The following C6 variants were observed in gnomAD, a reference collection of about 807,000 sequenced individuals.
C6 encodes complement C6, also known as complement component C6.
A neutral mutation model predicts 112.9 loss-of-function variants in C6; 101 were observed. The observed-to-expected ratio is 0.89, with a 90% CI of 0.76 to 1.06. The LOEUF (loss-of-function observed/expected upper bound fraction) is 1.06. C6 is among the 50% of genes least tolerant of loss of function. The probability of loss-of-function intolerance (pLI) is 0.00; values close to 1 mark genes in which losing one functional copy is unlikely to be tolerated. For missense variants in C6, 1,202 were observed against 1,104.6 expected (o/e 1.09, Z -1.25); for synonymous variants, 431 against 384.1 (o/e 1.12, Z -1.43).
intron 7 of C6, among the ~76,000 whole-genome samples, chr5:41,179,507 A>G (rs1304680218): frequency 6.6e-6 from 1 of 152,006 alleles, no homozygotes; most frequent in African/African-American, 2.4e-5. Flanking sequence ...CCCATGCCCA[A>G]TCCCAGGTAT....
intron 1 of C6, among the ~76,000 whole-genome samples, chr5:41,229,726 C>A (rs1580230232): frequency 1.3e-5 from 2 of 152,102 alleles, no homozygotes; most frequent in Non-Finnish European, 2.9e-5. Context: ...TCTTCGGCTT[C>A]CTTATTGATT....
chr5:41,199,948 C>T, intron 3 of C6, 36 bp from the exon 4 acceptor site: 1 of 1,611,222 alleles, frequency 6.2e-7, no homozygotes, highest in Non-Finnish European at 8.5e-7. Flanking sequence ...AACTCTGAGG[C>T]AGGGTCAAGG....
chr5:41,149,287 T>G lies in C6; in HGVS notation c.2577A>C (p.Lys859Asn). Residue 859 changes from lysine to asparagine, a missense_variant, in exon 17 of 18, where the codon AAA (lysine) becomes AAC (asparagine). Lys to Asn is a moderately conservative substitution (Grantham distance 94). Coordinates refer to ENST00000337836, the MANE Select transcript of C6 (RefSeq NM_000065.5). ...RTRLSSNSTK[K>N]ESCGYDTCYD... ...AGCAGGTGTCATAGCCACAGGATTCTTTCTTTGTGCTGTTGGATGAAAGTC... is the reference window on the plus strand; with the variant it reads ...AGCAGGTGTCATAGCCACAGGATTCGTTCTTTGTGCTGTTGGATGAAAGTC... The G allele has an allele frequency of 6.2e-7, 1 of 1,614,106 alleles. No homozygotes were observed. The highest frequency in any genetic ancestry group is 8.5e-7 in the Non-Finnish European group (1 of 1,179,972).
chr5:41,177,954 G>A (rs2150314805), intron 7 of C6, among the ~76,000 whole-genome samples: 1 of 152,218 alleles, frequency 6.6e-6, no homozygotes, highest in African/African-American at 2.4e-5. Context: ...CTTTTAATAA[G>A]AAGCACACTC....
rs1424914506 is a variant in C6 at position 41,176,687 on chromosome 5, A to G, written c.956T>C (p.Val319Ala). The change falls in exon 8 of 18, where the codon GTG becomes GCG. Residue 319 changes from valine (V) to alanine (A), a missense_variant. Val to Ala is a moderately conservative substitution (Grantham distance 64). Coordinates refer to ENST00000337836, the MANE Select transcript of C6 (RefSeq NM_000065.5). Reference protein sequence around the residue: ...KDSSFIRIHKVMKVLNFTTKA... With the variant: ...KDSSFIRIHKAMKVLNFTTKA... ...CGTTGTGAAGTTTAAGACTTTCATCACTTTATGGATCCTAATAAAACTAGA... is the reference window on the plus strand; with the variant it reads ...CGTTGTGAAGTTTAAGACTTTCATCGCTTTATGGATCCTAATAAAACTAGA... 6.2e-7 allele frequency: 1 copy of G among 1,612,220 alleles called. No individual in the cohort carries two copies. The highest frequency in any genetic ancestry group is 8.5e-7 in the Non-Finnish European group (1 of 1,178,688).
rs541520178 is a variant in C6 at position 41,208,732 on chromosome 5, G to T, written c.-21+4644C>A. Among the ~76,000 whole-genome samples, 537 of 152,122 alleles carry T rather than the reference G, an allele frequency of 3.5e-3. 3 individuals carry two copies. Among genetic ancestry groups the T allele is most frequent in the Non-Finnish European group, 5.4e-3 (368 of 68,002 alleles). Reference sequence around the variant, plus strand: ...TCTGAAATTGAGGCAATAATTAATAGCTTACCAACCAAAAAAAGTCCAGGA... The same window carrying T: ...TCTGAAATTGAGGCAATAATTAATATCTTACCAACCAAAAAAAGTCCAGGA... On this transcript the variant is annotated intron_variant, in intron 1 of 17. Coordinates refer to ENST00000337836, the MANE Select transcript of C6 (RefSeq NM_000065.5).
chr5:41,160,407 C>T, intron 10 of C6, 40 bp from the exon 11 acceptor site: 3 of 1,508,412 alleles, frequency 2.0e-6, no homozygotes, highest in Non-Finnish European at 2.8e-6. Flanking sequence ...GTCACATCCC[C>T]TTTGGTAATA....
intron 17 of C6, 121 bp downstream of exon 17, chr5:41,149,120 T>A: frequency 1.6e-6 from 2 of 1,274,958 alleles, no homozygotes; most frequent in South Asian, 1.2e-5. Flanking sequence ...TTTTATGAAT[T>A]TTTTTTACAA....
Position 41,149,843 on chromosome 5 carries a change from C to T in C6, c.2381+92G>A, listed in dbSNP as rs1270042133. ...TGTGGAAAATTCATTTATTTCATGT[C>T]TGTGCTTCAAAAAGCTCAGCTCTTC... On this transcript the variant is annotated intron_variant, in intron 16 of 17. Coordinates refer to ENST00000337836, the MANE Select transcript of C6 (RefSeq NM_000065.5). The T allele has an allele frequency of 4.7e-6, 4 of 852,016 alleles. No homozygotes were observed. The African/African-American group carries it at 6.6e-5, about 14-fold the overall frequency. The allele number at this position is 852,016 out of a possible 1,614,324, so 52.8% of individuals were successfully genotyped here.
At chr5:41,192,735 TA>T (rs1750314962) in intron 5 of C6, among the ~76,000 whole-genome samples, 1 of 152,156 alleles carries the variant, frequency 6.6e-6, no homozygotes, top group Non-Finnish European at 1.5e-5. Context: ...GGATGAATCT[TA>T]AAAACATTAT....
chr5:41,144,848 T>C (rs539035424), intron 17 of C6, among the ~76,000 whole-genome samples: 12 of 152,298 alleles, frequency 7.9e-5, no homozygotes, highest in African/African-American at 2.9e-4. Flanking sequence ...TGGTTTTCTG[T>C]TCTTGTATTA....
intron 1 of C6, among the ~76,000 whole-genome samples, chr5:41,243,748 G>A (rs2150428983): frequency 6.6e-6 from 1 of 152,228 alleles, no homozygotes; most frequent in Admixed American, 6.5e-5. Flanking sequence ...CAGCCTTGGG[G>A]AAACTCTTAG....
At chr5:41,201,386 A>T (rs1751018724) in intron 3 of C6, among the ~76,000 whole-genome samples, 172 bp downstream of exon 3, 1 of 151,970 alleles carries the variant, frequency 6.6e-6, no homozygotes, top group South Asian at 2.1e-4. Context: ...CATAAAATAA[A>T]CCCCCTCTTC....
intron 1 of C6, among the ~76,000 whole-genome samples, chr5:41,248,842 C>T (rs1741174016): frequency 1.3e-5 from 2 of 152,114 alleles, no homozygotes; most frequent in African/African-American, 4.8e-5. Flanking sequence ...GAAGATAAAT[C>T]ATTCTACTAA....
At position 41,155,092 on chromosome 5, in the gene C6, G is replaced by T; in HGVS notation, c.1981C>A (p.Leu661Ile). Residue 661 changes from leucine to isoleucine, a missense_variant, in exon 14 of 18, where the codon CTA becomes ATA. Physicochemically the swap from Leu to Ile is conservative, Grantham distance 5. Coordinates refer to ENST00000337836, the MANE Select transcript of C6 (RefSeq NM_000065.5). Reference sequence around the variant, plus strand: ...TCAACATCTTCTCCAACCAAGTATAGTTGCTTTTCATTCTTAATTAAAGCA... The same window carrying T: ...TCAACATCTTCTCCAACCAAGTATATTTGCTTTTCATTCTTAATTAAAGCA... ...ENGFIRNEKQ[L>I]YLVGEDVEIS... 6.2e-7 allele frequency: 1 copy of T among 1,613,392 alleles called. No individual in the cohort carries two copies. Among genetic ancestry groups the T allele is most frequent in the African/African-American group, 1.3e-5 (1 of 74,998 alleles).
intron 1 of C6, among the ~76,000 whole-genome samples, chr5:41,228,050 G>A (rs1739636058): frequency 6.6e-6 from 1 of 151,982 alleles, no homozygotes; most frequent in African/African-American, 2.4e-5. Context: ...TCTGTAGATC[G>A]ATTTTGGTAG....
At chr5:41,220,520 C>T (rs570195839) in intron 1 of C6, among the ~76,000 whole-genome samples, 3 of 152,152 alleles carry the variant, frequency 2.0e-5, no homozygotes, top group East Asian at 3.9e-4. Context: ...AGAAAGAAGG[C>T]GTTTATATAA....
At chr5:41,239,406 C>G (rs2150423485) in intron 1 of C6, among the ~76,000 whole-genome samples, 1 of 152,240 alleles carries the variant, frequency 6.6e-6, no homozygotes, top group African/African-American at 2.4e-5. Flanking sequence ...GTCACTGTGC[C>G]TGGCTGAGCA....
chr5:41,213,455 T>C lies in C6; in HGVS notation c.-100A>G. On this transcript the variant is annotated 5_prime_UTR_variant, in exon 1 of 18. It adds an upstream start codon to the 5' untranslated region. Transcript: ENST00000337836. ...AAATAGGTATGCAGAATGAAGAGGG[T>C]ATATATGTTAATCCAAACAAAGCTT... 1 of 985,260 alleles carries C rather than the reference T, an allele frequency of 1.0e-6. No individual in the cohort carries two copies. The highest frequency in any genetic ancestry group is 1.2e-6 in the Non-Finnish European group (1 of 829,872). 61.0% of individuals were successfully genotyped at this position (985,260 alleles called of 1,614,324 possible). A position where few individuals can be genotyped will look rare whatever the true frequency, so the allele number is the denominator to read the frequency against.
Sources: gnomAD v4.1 joint callset for allele counts (sites outside exome capture counted in the v4.1 genomes callset) on GRCh38, gnomAD v4.1.1 for gene constraint, MANE v1.5 for transcripts, NCBI Gene and HGNC (gene_info 2026-07-23, HGNC 2026-07-21) for gene names.